SMAP1: variants seen among roughly 807,000 people sequenced by gnomAD.
SMAP1 encodes the protein small ArfGAP 1, also known as stromal membrane-associated protein 1.
A neutral mutation model predicts 58.5 loss-of-function variants in SMAP1; 24 were observed. The ratio of observed to expected loss-of-function variants is 0.41; its 90% CI spans 0.30 to 0.58. The LOEUF (loss-of-function observed/expected upper bound fraction) is 0.58, where lower values mean the gene tolerates loss of function less well. Ranked by LOEUF, SMAP1 falls within the 20% of genes least tolerant of loss-of-function variation. The pLI is 0.29. For missense variants in SMAP1, 563 were observed against 566.3 expected, an observed-to-expected ratio of 0.99 and a Z score of 0.06; for synonymous variants, 216 against 196.6, an observed-to-expected ratio of 1.10 and a Z score of -0.82.
chr6:70,710,649 C>T (rs766677984), intron 1 of SMAP1, among the ~76,000 whole-genome samples: 1 of 151,984 alleles, frequency 6.6e-6, no homozygotes, highest in Non-Finnish European at 1.5e-5. Context: ...GCTTTGTAAA[C>T]ACTGTACACT....
intron 1 of SMAP1, among the ~76,000 whole-genome samples, chr6:70,677,620 G>A (rs905244748): frequency 8.0e-5 from 12 of 150,196 alleles, no homozygotes; most frequent in African/African-American, 2.9e-4. Context: ...GGGTTTCGCC[G>A]CATACCTTGT....
chr6:70,719,138 A>G (rs1258384870), intron 1 of SMAP1, among the ~76,000 whole-genome samples: 2 of 152,176 alleles, frequency 1.3e-5, no homozygotes, highest in Non-Finnish European at 1.5e-5. Context: ...GGATACAGAG[A>G]AAAGTACTTG....
chr6:70,724,804 A>G (rs1305413302), intron 1 of SMAP1, among the ~76,000 whole-genome samples: 2 of 152,136 alleles, frequency 1.3e-5, no homozygotes, highest in Non-Finnish European at 2.9e-5. Flanking sequence ...TAGTAGCTTT[A>G]AGATTACTTA....
chr6:70,779,084 G>A (rs913131927), intron 4 of SMAP1, among the ~76,000 whole-genome samples: 3 of 152,228 alleles, frequency 2.0e-5, no homozygotes, highest in Non-Finnish European at 2.9e-5. Context: ...GTCTGTGGTG[G>A]CAGCCCCAGG....
chr6:70,791,653 T>C, intron 4 of SMAP1, 36 bp from the exon 5 acceptor site: 1 of 1,567,938 alleles, frequency 6.4e-7, no homozygotes, highest in Non-Finnish European at 8.7e-7. Flanking sequence ...CTTCTTTTTG[T>C]TTTTTTCCTC....
chr6:70,785,732 C>A (rs1409318353), intron 4 of SMAP1, among the ~76,000 whole-genome samples: 1 of 152,202 alleles, frequency 6.6e-6, no homozygotes, highest in Non-Finnish European at 1.5e-5. Flanking sequence ...GACACATACA[C>A]CCTCCCAAGA....
intron 6 of SMAP1, among the ~76,000 whole-genome samples, chr6:70,807,682 A>C (rs1172987283): frequency 6.6e-6 from 1 of 152,204 alleles, no homozygotes; most frequent in Non-Finnish European, 1.5e-5. Context: ...AGCATGGAAC[A>C]TGCAAAATAA....
At chr6:70,798,891 T>C (rs1031555679) in intron 6 of SMAP1, among the ~76,000 whole-genome samples, 154 bp downstream of exon 6, 2 of 152,140 alleles carry the variant, frequency 1.3e-5, no homozygotes, top group Admixed American at 6.5e-5. Context: ...CATGTCCTTC[T>C]AGCTTGTCTC....
intron 5 of SMAP1, among the ~76,000 whole-genome samples, chr6:70,793,934 T>C (rs1768485476): frequency 6.6e-6 from 1 of 152,070 alleles, no homozygotes; most frequent in Non-Finnish European, 1.5e-5. Flanking sequence ...GGTTTCTCTG[T>C]GTTGGTCAGG....
At chr6:70,728,150 G>A (rs1765266796) in intron 1 of SMAP1, among the ~76,000 whole-genome samples, 1 of 152,210 alleles carries the variant, frequency 6.6e-6, no homozygotes, top group Admixed American at 6.5e-5. Flanking sequence ...TATGGGTAGA[G>A]TAGTTCTGTC....
chr6:70,698,032 T>C (rs1279125878), intron 1 of SMAP1, among the ~76,000 whole-genome samples: 1 of 152,232 alleles, frequency 6.6e-6, no homozygotes, highest in Non-Finnish European at 1.5e-5. Flanking sequence ...TTATTGCTCG[T>C]TAACATCATT....
In SMAP1 at chr6:70,742,175, G is replaced by A. The variant is rs185617361; in HGVS notation, c.252+9664G>A. Among the ~76,000 whole-genome samples the A allele has an allele frequency of 2.6e-5, 4 of 152,318 alleles. No homozygotes were observed. In the East Asian group the frequency reaches 5.8e-4, roughly 22 times the overall value. On this transcript the variant is annotated intron_variant, in intron 2 of 10. Transcript: ENST00000370455. ...ATTACTTACGCAGATTTCTGCAACC[G>A]GGTTGAATTTCTCCTCAGAAAATGA...
chr6:70,729,459 T>TTTTGTG (rs1491434129), intron 1 of SMAP1, among the ~76,000 whole-genome samples: 10 of 128,168 alleles, frequency 7.8e-5, no homozygotes, highest in Non-Finnish European at 4.8e-5. Context: ...AAAAAGAAGG[T>TTTTGTG]TGTGTGTGTG....
intron 3 of SMAP1, among the ~76,000 whole-genome samples, chr6:70,769,565 G>C (rs1767175216): frequency 6.6e-6 from 1 of 152,110 alleles, no homozygotes; most frequent in Non-Finnish European, 1.5e-5. Flanking sequence ...TCAGAGACTA[G>C]GATTGCAACC....
At chr6:70,769,571 C>G (rs2149908361) in intron 3 of SMAP1, among the ~76,000 whole-genome samples, 1 of 152,270 alleles carries the variant, frequency 6.6e-6, no homozygotes, top group African/African-American at 2.4e-5. Flanking sequence ...ACTAGGATTG[C>G]AACCCCTGCC....
intron 1 of SMAP1, among the ~76,000 whole-genome samples, chr6:70,691,459 A>G (rs1389246240): frequency 2.0e-5 from 3 of 152,180 alleles, no homozygotes; most frequent in Non-Finnish European, 2.9e-5. Flanking sequence ...TACAAACATT[A>G]CAGTTATACT....
intron 1 of SMAP1, among the ~76,000 whole-genome samples, chr6:70,696,435 A>G (rs559198944): frequency 1.1e-4 from 17 of 151,988 alleles, no homozygotes; most frequent in Non-Finnish European, 2.2e-4. Context: ...AGGTTTTGGT[A>G]TGTTGTGTTT....
chr6:70,829,194 T>C (rs1025313422), intron 6 of SMAP1, among the ~76,000 whole-genome samples: 1 of 152,212 alleles, frequency 6.6e-6, no homozygotes, highest in African/African-American at 2.4e-5. Context: ...GAGTTAAAAT[T>C]ATTGGCATGC....
chr6:70,680,712 G>GTTT (rs34867967), intron 1 of SMAP1, among the ~76,000 whole-genome samples: 1,437 of 78,976 alleles, frequency 0.018, 13 homozygotes, highest in Non-Finnish European at 0.023. Context: ...TGGATTTCCT[G>GTTT]TTTTTTTTTT....
Sources: gnomAD v4.1 joint callset for allele counts (sites outside exome capture counted in the v4.1 genomes callset) on GRCh38, gnomAD v4.1.1 for gene constraint, MANE v1.5 for transcripts, NCBI Gene and HGNC (gene_info 2026-07-23, HGNC 2026-07-21) for gene names.